Variants in CEP112 observed in about 807,000 individuals in gnomAD.
CEP112 encodes the protein centrosomal protein of 112 kDa.
Under a neutral mutation model 153.0 loss-of-function variants are expected in CEP112, and 127 were observed. The ratio of observed to expected loss-of-function variants is 0.83; its 90% CI spans 0.72 to 0.96. The LOEUF (loss-of-function observed/expected upper bound fraction) is 0.96. Ranked by LOEUF, CEP112 falls within the 40% of genes least tolerant of loss-of-function variation. The pLI, the probability that CEP112 is intolerant of heterozygous loss-of-function variation, is 0.00. For synonymous variants in CEP112, 358 were observed against 374.4 expected, an observed-to-expected ratio of 0.96 and a Z score of 0.51; for missense variants, 1,089 against 1,101.2, an observed-to-expected ratio of 0.99 and a Z score of 0.16.
At chr17:65,718,680 T>C (rs1345619122) in intron 23 of CEP112, among the ~76,000 whole-genome samples, 2 of 152,306 alleles carry the variant, frequency 1.3e-5, no homozygotes, top group Admixed American at 6.5e-5. Context: ...TGAAATAATA[T>C]GGCCTTAACA....
chr17:65,897,678 A>T (rs1442314704), intron 20 of CEP112, among the ~76,000 whole-genome samples: 2 of 152,064 alleles, frequency 1.3e-5, no homozygotes, highest in Non-Finnish European at 2.9e-5. Context: ...TTCTTAAAGC[A>T]CTTTGTTTTT....
intron 17 of CEP112, 113 bp downstream of exon 17, chr17:66,005,577 G>A (rs554488957): frequency 1.7e-4 from 220 of 1,271,504 alleles, no homozygotes; most frequent in Admixed American, 1.4e-3. Context: ...TGATGCAAAC[G>A]AATCCATAGC....
At chr17:65,906,614 G>C (rs1010020848) in intron 19 of CEP112, among the ~76,000 whole-genome samples, 9 of 151,776 alleles carry the variant, frequency 5.9e-5, no homozygotes, top group African/African-American at 2.2e-4. Context: ...TAAAATTTAG[G>C]GGTTTTCCCC....
intron 18 of CEP112, among the ~76,000 whole-genome samples, chr17:65,951,062 A>G (rs2061811918): frequency 6.6e-6 from 1 of 152,138 alleles, no homozygotes; most frequent in South Asian, 2.1e-4. Context: ...ATGTTAAAAC[A>G]ATCTTGGATT....
intron 17 of CEP112, 145 bp downstream of exon 17, chr17:66,005,545 A>G (rs1301389910): frequency 2.1e-6 from 2 of 973,878 alleles, no homozygotes. Context: ...AATCTTGAAG[A>G]TAGAGATTTG....
intron 24 of CEP112, among the ~76,000 whole-genome samples, chr17:65,657,784 G>A (rs972320531): frequency 9.9e-5 from 15 of 152,184 alleles, no homozygotes; most frequent in Non-Finnish European, 1.8e-4. Flanking sequence ...TACTCAGTGA[G>A]GCTGATGGGG....
chr17:65,986,835 T>C (rs1311366368), intron 17 of CEP112, among the ~76,000 whole-genome samples: 1 of 152,124 alleles, frequency 6.6e-6, no homozygotes, highest in Non-Finnish European at 1.5e-5. Flanking sequence ...CAAGAGAATA[T>C]GACCATTATA....
At chr17:66,158,276 T>C (rs770663431) in intron 4 of CEP112, among the ~76,000 whole-genome samples, 6 of 152,086 alleles carry the variant, frequency 3.9e-5, no homozygotes, top group Non-Finnish European at 8.8e-5. Context: ...AACAACCTGC[T>C]CCTGAATGAC....
chr17:65,729,401 G>C (rs914695724), intron 23 of CEP112, among the ~76,000 whole-genome samples: 1 of 151,906 alleles, frequency 6.6e-6, no homozygotes, highest in Non-Finnish European at 1.5e-5. Flanking sequence ...GCATATATGA[G>C]GCTGGTGCAA....
intron 18 of CEP112, among the ~76,000 whole-genome samples, chr17:65,936,809 C>CTCCTCCCCCTCCCCCTCCCCCCCT (rs1555720992): frequency 1.1e-5 from 1 of 94,726 alleles, no homozygotes; most frequent in Non-Finnish European, 2.1e-5. Context: ...CCTCCCCCTC[C>CTCCTCCCCCTCCCCCTCCCCCCCT]CCCTCTCCCC....
intron 10 of CEP112, among the ~76,000 whole-genome samples, chr17:66,065,043 C>A (rs995176637): frequency 1.3e-5 from 2 of 152,164 alleles, no homozygotes; most frequent in Admixed American, 6.6e-5. Flanking sequence ...AAGTTCCATA[C>A]AGAAAATCCT....
intron 4 of CEP112, among the ~76,000 whole-genome samples, chr17:66,162,549 A>T (rs1383028807): frequency 6.6e-6 from 1 of 152,254 alleles, no homozygotes; most frequent in Non-Finnish European, 1.5e-5. Flanking sequence ...ACCATGGTAC[A>T]ATGGATATAT....
At chr17:66,175,010 G>A (rs960017845) in intron 4 of CEP112, 34 bp downstream of exon 4, 2 of 1,411,138 alleles carry the variant, frequency 1.4e-6, no homozygotes. Flanking sequence ...ACTAAATGAT[G>A]AAACACATTC....
intron 22 of CEP112, among the ~76,000 whole-genome samples, chr17:65,744,240 T>C (rs1308487729): frequency 7.5e-6 from 1 of 133,618 alleles, no homozygotes; most frequent in East Asian, 2.0e-4. Context: ...GTGTTTTTTG[T>C]TTGTTTGTTT....
intron 21 of CEP112, among the ~76,000 whole-genome samples, chr17:65,751,551 AT>A (rs1407113855): frequency 1.3e-5 from 2 of 151,704 alleles, no homozygotes; most frequent in Non-Finnish European, 2.9e-5. Flanking sequence ...TACTCTCATG[AT>A]TTCTCTCGTC....
intron 8 of CEP112, among the ~76,000 whole-genome samples, chr17:66,093,706 T>C (rs1367117324): frequency 1.3e-5 from 2 of 152,132 alleles, no homozygotes; most frequent in African/African-American, 2.4e-5. Flanking sequence ...AGATATCTCA[T>C]GTTCATGAAC....
chr17:65,734,777 C>T (rs1243723263), intron 23 of CEP112, among the ~76,000 whole-genome samples: 1 of 152,142 alleles, frequency 6.6e-6, no homozygotes, highest in East Asian at 1.9e-4. Flanking sequence ...TTTTAGCAGC[C>T]TTTTTAGATG....
rs532843974 is a variant in CEP112, at chr17:66,111,605, G to A, written c.643-14973C>T. Among the ~76,000 whole-genome samples, 11 of 152,150 alleles carry A rather than the reference G, an allele frequency of 7.2e-5. No individual in the cohort carries two copies. In the South Asian group the frequency reaches 2.3e-3, roughly 32 times the overall value. ...ACTTAGCAAACTATTAAAAACACAG[G>A]AACAGAAAACCAAATATTGTATGTT... is the stretch of plus-strand genomic sequence containing the variant. On this transcript the variant is annotated intron_variant, in intron 6 of 26. Coordinates refer to ENST00000535342, the MANE Select transcript of CEP112 (RefSeq NM_001199165.4).
At chr17:65,685,103 C>T (rs1024363430) in intron 24 of CEP112, among the ~76,000 whole-genome samples, 2 of 152,078 alleles carry the variant, frequency 1.3e-5, no homozygotes, top group African/African-American at 4.8e-5. Flanking sequence ...CTTTGTGCCC[C>T]ACAATGAGCA....
Sources: allele counts gnomAD v4.1 joint callset (sites outside exome capture counted in the v4.1 genomes callset), GRCh38; gene constraint gnomAD v4.1.1; transcripts MANE v1.5; gene names NCBI Gene and HGNC (gene_info 2026-07-23, HGNC 2026-07-21).